Variants in SGSM3 observed in about 807,000 individuals in gnomAD.
The protein encoded by SGSM3 is small G protein signaling modulator 3, also known as RUN and SH3 containing 3.
A neutral mutation model predicts 100.5 loss-of-function variants in SGSM3; 96 were observed. That is an observed-to-expected ratio of 0.96 (90% CI 0.81 to 1.13). The LOEUF (loss-of-function observed/expected upper bound fraction) is 1.13. SGSM3 is among the 50% of genes most tolerant of loss of function. The pLI is 0.00. For missense variants in SGSM3, 1,001 were observed against 1,015.8 expected (o/e 0.99, Z 0.20); for synonymous variants, 483 against 422.8 (o/e 1.14, Z -1.75).
chr22:40,407,667 T>G lies in SGSM3; in HGVS notation c.1524+99T>G. The G allele has an allele frequency of 6.3e-7, 1 of 1,580,994 alleles. No individual in the cohort carries two copies. The stretch of plus-strand genomic sequence containing the variant: ...CCCAACCCCTTTCCCTGCCAAGAGC[T>G]TCTCTTGTGAAGATGTAGGGGTCTT... On this transcript the variant is annotated intron_variant, in intron 13 of 21. Transcript: ENST00000248929. The surrounding 1 kb of genome is among the most constrained non-coding windows in gnomAD (Gnocchi z 4.7).
rs778887727 is a variant in SGSM3 at position 40,405,719 on chromosome 22, A to T, written c.689A>T (p.Asp230Val). ...AFWMMSAIIE[D>V]LLPASYFSTT... ...TGGATGATGTCTGCCATCATCGAGG[A>T]CCTGCTCCCCGCCTCCTACTTCAGC... Residue 230 changes from aspartate (D) to valine (V), a missense_variant, in exon 8 of 22, where the codon GAC becomes GTC. By Grantham distance (152) the Asp-to-Val change is radical. Coordinates refer to ENST00000248929, the MANE Select transcript of SGSM3 (RefSeq NM_015705.6). The T allele has an allele frequency of 2.5e-6, 4 of 1,613,814 alleles. No homozygotes were observed. The highest frequency in any genetic ancestry group is 3.4e-6 in the Non-Finnish European group (4 of 1,179,982).
chr22:40,397,609 G>A (rs1296895232), intron 1 of SGSM3, among the ~76,000 whole-genome samples: 1 of 152,136 alleles, frequency 6.6e-6, no homozygotes, highest in African/African-American at 2.4e-5. Context: ...ACCACACTGT[G>A]AGGCCTCGTA....
rs2052086382 is a variant in SGSM3 at position 40,408,838 on chromosome 22, A to G, written c.1898A>G (p.Tyr633Cys). Residue 633 changes from tyrosine (Y) to cysteine (C), a missense_variant, in exon 18 of 22, where the codon TAC becomes TGC. Physicochemically the swap from Tyr to Cys is radical, Grantham distance 194 (BLOSUM62 -2). Transcript: ENST00000248929. ...GKVLTPEELL[Y>C]RAVQSVNVTH... ...GTCCTGACCCCGGAGGAGCTGCTCT[A>G]CCGGGTAAGGGGGCCTCCTCTGCCA... 1.2e-6 allele frequency: 2 copies of G among 1,613,686 alleles called. No homozygotes were observed. Among genetic ancestry groups the G allele is most frequent in the Non-Finnish European group, 8.5e-7 (1 of 1,179,954 alleles).
chr22:40,375,333 G>A (rs1396419450), intron 1 of SGSM3, among the ~76,000 whole-genome samples: 3 of 152,050 alleles, frequency 2.0e-5, no homozygotes, highest in Non-Finnish European at 4.4e-5. Context: ...TAATCCCAGT[G>A]CTTTGGGAGG....
At position 40,407,141 on chromosome 22, in the gene SGSM3, A is replaced by T; in HGVS notation, c.1241-60A>T. On this transcript the variant is annotated intron_variant, in intron 11 of 21. Coordinates refer to ENST00000248929, the MANE Select transcript of SGSM3 (RefSeq NM_015705.6). The surrounding 1 kb of genome is among the most constrained non-coding windows in gnomAD (Gnocchi z 4.7). Reference sequence around the variant, plus strand: ...TGTCCTCACGCTCATGTGGACGTGGAGCTTCCTCCTCGGGGGCCTGGAGTG... The same window carrying T: ...TGTCCTCACGCTCATGTGGACGTGGTGCTTCCTCCTCGGGGGCCTGGAGTG... The T allele has an allele frequency of 6.2e-7, 1 of 1,612,054 alleles. No homozygotes were observed. Among genetic ancestry groups the T allele is most frequent in the Non-Finnish European group, 8.5e-7 (1 of 1,179,054 alleles).
chr22:40,406,835 T>G (rs1026261531), intron 10 of SGSM3, 173 bp downstream of exon 10: 10 of 851,826 alleles, frequency 1.2e-5, no homozygotes, highest in Non-Finnish European at 1.9e-5. Context: ...TCAGGCTTTG[T>G]GCACCTCAGG....
intron 10 of SGSM3, 134 bp downstream of exon 10, chr22:40,406,796 A>G: frequency 1.1e-6 from 1 of 906,962 alleles, no homozygotes; most frequent in Non-Finnish European, 1.7e-6. Context: ...GCCCAGTCAG[A>G]CCACAGCTGT....
chr22:40,375,723 T>G, intron 1 of SGSM3, among the ~76,000 whole-genome samples: 1 of 151,672 alleles, frequency 6.6e-6, no homozygotes, highest in East Asian at 1.9e-4. Flanking sequence ...TCTCTAGATA[T>G]CTAATTAGCC....
rs776764197 is a variant in SGSM3, at chr22:40,405,143, C to T, written c.477C>T (p.Ile159=). 8.6e-6 allele frequency: 13 copies of T among 1,510,466 alleles called. No individual in the cohort carries two copies. The Admixed American group carries it at 1.1e-4, about 13-fold the overall frequency. 93.6% of individuals were successfully genotyped at this position (1,510,466 alleles called of 1,614,324 possible). ...GGGTGCCGATGGCTGCCTGACAGAT[C>T]GAGAAGGACCTGCTCCGCACCATGC... ...SNDETIAAKQ[I]EKDLLRTMPS... Residue 159 remains isoleucine, a splice_region_variant and synonymous_variant, in exon 7 of 22, where the codon ATC becomes ATT. Transcript: ENST00000248929.
rs773577867 is a variant in SGSM3, at chr22:40,405,317, CCCAGGACCCCCT to C, written c.618+43_618+54del. 1.4e-4 allele frequency: 202 copies of C among 1,446,224 alleles called. 1 individual carries two copies. The highest frequency in any genetic ancestry group is 1.1e-3 in the South Asian group (71 of 65,730). 89.6% of individuals were successfully genotyped at this position (1,446,224 alleles called of 1,614,324 possible). A position where few individuals can be genotyped will look rare whatever the true frequency, so the allele number is the denominator to read the frequency against. On this transcript the variant is annotated intron_variant, in intron 7 of 21. Coordinates refer to ENST00000248929, the MANE Select transcript of SGSM3 (RefSeq NM_015705.6). ...CAGCCCCAGAAAGGGCAGTGGCAGC[CCCAGGACCCCCT>C]CCAGGACCCTAACAAGGAGTGGCCT...
intron 1 of SGSM3, among the ~76,000 whole-genome samples, chr22:40,377,246 A>G (rs1339364565): frequency 6.6e-6 from 1 of 152,232 alleles, no homozygotes; most frequent in Middle Eastern, 3.2e-3. Flanking sequence ...GATGTTAGGC[A>G]AATAGATGCT....
intron 1 of SGSM3, among the ~76,000 whole-genome samples, chr22:40,378,701 G>A (rs962752931): frequency 6.6e-6 from 1 of 152,036 alleles, no homozygotes; most frequent in South Asian, 2.1e-4. Context: ...CTCCAGCCTG[G>A]GTGACAGAGC....
rs1196530845 is a variant in SGSM3 at position 40,404,455 on chromosome 22, G to A, written c.366G>A (p.Gln122=). 1.2e-6 allele frequency: 2 copies of A among 1,606,102 alleles called. No individual in the cohort carries two copies. Among genetic ancestry groups the A allele is most frequent in the Non-Finnish European group, 1.7e-6 (2 of 1,175,366 alleles). The stretch of plus-strand genomic sequence containing the variant: ...GCATCCCACATGGCATGAGGCCACA[G>A]GTAAGGTGGCCACAGGGACCCACAG... ...LAGIPHGMRP[Q]LWMRLSGALQ... Residue 122 remains glutamine, a splice_region_variant and synonymous_variant, in exon 5 of 22, where the codon CAG becomes CAA. Transcript: ENST00000248929.
intron 3 of SGSM3, 27 bp from the exon 4 acceptor site, chr22:40,402,112 C>T (rs1378016355): frequency 1.9e-6 from 3 of 1,595,086 alleles, no homozygotes; most frequent in East Asian, 2.2e-5. Flanking sequence ...GGACAGGCAA[C>T]TGACTTCAAC....
At chr22:40,388,695 T>C (rs927106490) in intron 1 of SGSM3, among the ~76,000 whole-genome samples, 1 of 152,016 alleles carries the variant, frequency 6.6e-6, no homozygotes, top group African/African-American at 2.4e-5. Flanking sequence ...TGTATAATAA[T>C]CATGATGGTG....
intron 1 of SGSM3, among the ~76,000 whole-genome samples, chr22:40,393,302 G>C (rs1160073150): frequency 6.6e-6 from 1 of 152,208 alleles, no homozygotes; most frequent in Non-Finnish European, 1.5e-5. Context: ...ATTTTTAGTA[G>C]AGATGGGGTT....
intron 1 of SGSM3, among the ~76,000 whole-genome samples, chr22:40,391,875 C>T (rs1335590018): frequency 6.6e-6 from 1 of 152,176 alleles, no homozygotes; most frequent in Non-Finnish European, 1.5e-5. Context: ...GTGTCTCACC[C>T]AAACCCAGCT....
Position 40,408,681 on chromosome 22 carries a change from C to T in SGSM3, c.1837C>T (p.Leu613Phe), listed in dbSNP as rs779277419. ...TGCCTCCGTGTATTCCCGTCTGGTG[C>T]TCTGTAAGACCTTCAGGTAACTCGG... Reference protein sequence around the residue: ...DFASVYSRLVLCKTFRLDEDG... With the variant: ...DFASVYSRLVFCKTFRLDEDG... The change falls in exon 17 of 22, where the codon CTC (leucine) becomes TTC (phenylalanine). Residue 613 changes from leucine (L) to phenylalanine (F), a missense_variant. By Grantham distance (22) the Leu-to-Phe change is conservative (BLOSUM62 0). Transcript: ENST00000248929. 6.2e-7 allele frequency: 1 copy of T among 1,614,058 alleles called. No homozygotes were observed. Among genetic ancestry groups the T allele is most frequent in the Non-Finnish European group, 8.5e-7 (1 of 1,180,018 alleles).
At chr22:40,396,839 A>G (rs1601965786) in intron 1 of SGSM3, among the ~76,000 whole-genome samples, 1 of 152,188 alleles carries the variant, frequency 6.6e-6, no homozygotes, top group Non-Finnish European at 1.5e-5. Context: ...TAGATGGGGG[A>G]AAACAGGGTG....
Sources: gnomAD v4.1 joint callset for allele counts (sites outside exome capture counted in the v4.1 genomes callset) on GRCh38, gnomAD v4.1.1 for gene constraint, Gnocchi (gnomAD v3.1) non-coding constraint, MANE v1.5 for transcripts, NCBI Gene and HGNC (gene_info 2026-07-23, HGNC 2026-07-21) for gene names.